PPARGC1A: variants seen among roughly 807,000 people sequenced by gnomAD.
PPARGC1A encodes the protein PPARG coactivator 1 alpha.
A neutral mutation model predicts 88.7 loss-of-function variants in PPARGC1A; 25 were observed. The observed-to-expected ratio is 0.28, with a 90% CI of 0.21 to 0.39. The LOEUF is 0.39. Among genes scored for constraint, PPARGC1A ranks in the 10% least tolerant of loss-of-function variants. The probability of loss-of-function intolerance (pLI) is 1.00; values close to 1 mark genes in which losing one functional copy is unlikely to be tolerated. For synonymous variants in PPARGC1A, 363 were observed against 355.6 expected, an observed-to-expected ratio of 1.02 and a Z score of -0.24; for missense variants, 880 against 968.7, an observed-to-expected ratio of 0.91 and a Z score of 1.22.
At position 23,814,006 on chromosome 4, in the gene PPARGC1A, G is replaced by A; in HGVS notation, c.1477C>T (p.Gln493Ter). The change falls in exon 8 of 13, where the codon CAA becomes TAA. Residue 493 changes from glutamine to a stop codon, truncating the protein, a stop_gained. Transcript: ENST00000264867. LOFTEE classifies it high-confidence loss of function. ...ATAAACATAGGTAGTTTGGAGAATT[G>A]TTCATTACTGAAATCACTGTCCCTC... ...ELRDSDFSNE[Q>*]FSKLPMFINS... 1 of 1,614,026 alleles carries A rather than the reference G, an allele frequency of 6.2e-7. No individual in the cohort carries two copies. Among genetic ancestry groups the A allele is most frequent in the Non-Finnish European group, 8.5e-7 (1 of 1,179,920 alleles).
At chr4:23,827,318 G>T (rs576872474) in intron 5 of PPARGC1A, among the ~76,000 whole-genome samples, 1 of 151,864 alleles carries the variant, frequency 6.6e-6, no homozygotes, top group African/African-American at 2.4e-5. Context: ...GAAAAAAAGC[G>T]TATTGAATCA....
At chr4:24,367,144 C>G in the PPARGC1A span, among the ~76,000 whole-genome samples, 7 of 152,096 alleles carry the variant, frequency 4.6e-5, no homozygotes, top group Admixed American at 2.6e-4. Context: ...TTCGTAATCA[C>G]TAGTAAGAGC....
the PPARGC1A span, among the ~76,000 whole-genome samples, chr4:24,458,534 T>C: frequency 6.6e-6 from 1 of 152,154 alleles, no homozygotes; most frequent in African/African-American, 2.4e-5. Context: ...AATACTGTAA[T>C]ATGAGGATTT....
chr4:23,801,272 CAT>C (rs1244224752), intron 12 of PPARGC1A, among the ~76,000 whole-genome samples: 2 of 151,918 alleles, frequency 1.3e-5, no homozygotes, highest in Non-Finnish European at 1.5e-5. Flanking sequence ...CACAAAGACA[CAT>C]GATAGCCACA....
chr4:24,429,620 G>C, the PPARGC1A span, among the ~76,000 whole-genome samples: 2 of 151,542 alleles, frequency 1.3e-5, no homozygotes, highest in African/African-American at 4.9e-5. Context: ...AAGGCATGGA[G>C]CAGGCAGAGC....
the PPARGC1A span, among the ~76,000 whole-genome samples, chr4:24,190,885 C>T: frequency 6.6e-6 from 1 of 152,204 alleles, no homozygotes; most frequent in African/African-American, 2.4e-5. Flanking sequence ...TCAAGAGGAA[C>T]ATCAGTTTGT....
chr4:24,219,000 G>A, the PPARGC1A span, among the ~76,000 whole-genome samples: 1 of 152,178 alleles, frequency 6.6e-6, no homozygotes, highest in South Asian at 2.1e-4. Flanking sequence ...AGTACAAGGT[G>A]GGGACCACAT....
chr4:24,343,032 A>G, the PPARGC1A span, among the ~76,000 whole-genome samples: 1 of 152,202 alleles, frequency 6.6e-6, no homozygotes, highest in Non-Finnish European at 1.5e-5. Context: ...TCTGAAGGTC[A>G]GTCAGCTTGT....
the PPARGC1A span, among the ~76,000 whole-genome samples, chr4:24,206,232 G>A: frequency 6.6e-6 from 1 of 152,310 alleles, no homozygotes; most frequent in East Asian, 1.9e-4. Flanking sequence ...GGAAGTGTAG[G>A]CAAATGATGA....
chr4:24,030,965 G>A, the PPARGC1A span, among the ~76,000 whole-genome samples: 4 of 152,144 alleles, frequency 2.6e-5, no homozygotes, highest in Non-Finnish European at 5.9e-5. Context: ...CAGGGAAGCA[G>A]ACAGATATGC....
chr4:24,325,463 C>A, the PPARGC1A span, among the ~76,000 whole-genome samples: 1 of 152,166 alleles, frequency 6.6e-6, no homozygotes, highest in Non-Finnish European at 1.5e-5. Flanking sequence ...CCTCTAGAAC[C>A]TCCTCCCCCA....
At chr4:23,825,840 G>A (rs1723831185) in intron 5 of PPARGC1A, among the ~76,000 whole-genome samples, 1 of 152,026 alleles carries the variant, frequency 6.6e-6, no homozygotes, top group African/African-American at 2.4e-5. Context: ...ACAGATAAAT[G>A]AGCTGATTTT....
At chr4:23,806,627 T>C (rs1719856671) in intron 10 of PPARGC1A, among the ~76,000 whole-genome samples, 1 of 152,168 alleles carries the variant, frequency 6.6e-6, no homozygotes, top group South Asian at 2.1e-4. Context: ...AGTACGCTGA[T>C]GGGGTGGATA....
the PPARGC1A span, among the ~76,000 whole-genome samples, chr4:24,342,835 T>G: frequency 6.6e-6 from 1 of 152,326 alleles, no homozygotes; most frequent in East Asian, 1.9e-4. Context: ...GATACCTTGC[T>G]CTGCTAGCTG....
At chr4:24,393,231 G>A in the PPARGC1A span, among the ~76,000 whole-genome samples, 2 of 152,154 alleles carry the variant, frequency 1.3e-5, no homozygotes, top group Non-Finnish European at 2.9e-5. Flanking sequence ...CAAATGAGCT[G>A]TTGAAAACCA....
the PPARGC1A span, among the ~76,000 whole-genome samples, chr4:24,279,330 A>G: frequency 6.6e-6 from 1 of 152,338 alleles, no homozygotes; most frequent in African/African-American, 2.4e-5. Context: ...GTGATTTCCC[A>G]GACATCATGA....
At chr4:24,019,253 A>C in the PPARGC1A span, among the ~76,000 whole-genome samples, 1 of 152,204 alleles carries the variant, frequency 6.6e-6, no homozygotes, top group Non-Finnish European at 1.5e-5. Flanking sequence ...CTAGATTCCT[A>C]AAAACAGCAC....
At position 23,830,996 on chromosome 4, in the gene PPARGC1A, T is replaced by C. The variant is rs181836097; in HGVS notation, c.429+561A>G. On this transcript the variant is annotated intron_variant, in intron 3 of 12. Transcript: ENST00000264867. ...CCAATTCTTTCTAGGATTGTATGTA[T>C]AAGAATAAAAATGCTAATATGTTAA... 9.1e-4 allele frequency among the ~76,000 whole-genome samples: 138 copies of C among 152,228 alleles called. 3 individuals are homozygous for C. In the East Asian group the frequency reaches 0.014, roughly 15 times the overall value.
the PPARGC1A span, among the ~76,000 whole-genome samples, chr4:24,017,044 T>C: frequency 1.3e-5 from 2 of 151,998 alleles, no homozygotes; most frequent in Non-Finnish European, 2.9e-5. Context: ...GTAACATAAG[T>C]GAATGAAGAT....
Sources: gnomAD v4.1 joint callset for allele counts (sites outside exome capture counted in the v4.1 genomes callset) on GRCh38, gnomAD v4.1.1 for gene constraint, MANE v1.5 for transcripts, NCBI Gene and HGNC (gene_info 2026-07-23, HGNC 2026-07-21) for gene names.